Variants in AFF1 observed in about 807,000 individuals in gnomAD.
AFF1 encodes AF4/FMR2 family member 1.
Under a neutral mutation model 121.7 loss-of-function variants are expected in AFF1, and 48 were observed. That is an observed-to-expected ratio of 0.39 (90% CI 0.31 to 0.50). AFF1 has a LOEUF of 0.50. Among genes scored for constraint, AFF1 ranks in the 20% least tolerant of loss-of-function variants. The pLI, the probability that AFF1 is intolerant of heterozygous loss-of-function variation, is 0.76. For synonymous variants in AFF1, 613 were observed against 563.0 expected (o/e 1.09, Z -1.26); for missense variants, 1,523 against 1,511.7 (o/e 1.01, Z -0.12).
At chr4:86,947,337 A>G (rs1021111291) in intron 1 of AFF1, among the ~76,000 whole-genome samples, 3 of 152,160 alleles carry the variant, frequency 2.0e-5, no homozygotes, top group African/African-American at 7.2e-5. Flanking sequence ...GGAAACATGT[A>G]GTTAGCAAGT....
At chr4:87,038,065 C>A (rs1022053690) in intron 2 of AFF1, among the ~76,000 whole-genome samples, 1 of 152,150 alleles carries the variant, frequency 6.6e-6, no homozygotes, top group Non-Finnish European at 1.5e-5. Flanking sequence ...TTGAGATAAT[C>A]CCCTGGGGGC....
intron 2 of AFF1, among the ~76,000 whole-genome samples, chr4:87,041,548 G>A (rs972547474): frequency 5.0e-4 from 76 of 152,062 alleles, no homozygotes; most frequent in African/African-American, 1.7e-3. Flanking sequence ...CTTAGCTAAT[G>A]CAAAGTACCA....
At chr4:86,958,091 CTTTTTTT>C (rs36035943) in intron 2 of AFF1, among the ~76,000 whole-genome samples, 1 of 107,106 alleles carries the variant, frequency 9.3e-6, no homozygotes, top group African/African-American at 3.6e-5. Context: ...TTTTTTTTTC[CTTTTTTT>C]TTTTTTTTTT....
rs10676975 is a variant in AFF1, at chr4:86,978,177, CTTTTT to C, written c.38+29626_38+29630del. On this transcript the variant is annotated intron_variant, in intron 2 of 20. Transcript: ENST00000395146. ...CTTCTCTTACTTCTCATTACATTCA[CTTTTT>C]TTTTTTTTTTTTTTTTTTTGAGATG... Among the ~76,000 whole-genome samples the C allele has an allele frequency of 7.9e-4, 31 of 39,338 alleles. 1 individual carries two copies. The highest frequency in any genetic ancestry group is 3.9e-3 in the South Asian group (2 of 512). 25.8% of individuals were successfully genotyped at this position (39,338 alleles called of 152,430 possible).
chr4:87,039,744 T>G (rs977314621), intron 2 of AFF1, among the ~76,000 whole-genome samples: 3 of 152,184 alleles, frequency 2.0e-5, no homozygotes, highest in Non-Finnish European at 4.4e-5. Flanking sequence ...AGGCAAGAAC[T>G]TGGCTACTGA....
intron 2 of AFF1, among the ~76,000 whole-genome samples, chr4:86,993,721 T>C (rs1396279661): frequency 6.6e-6 from 1 of 152,170 alleles, no homozygotes; most frequent in Non-Finnish European, 1.5e-5. Flanking sequence ...TCCCAGCATT[T>C]TGGGAGGCTG....
chr4:87,017,895 C>T (rs1055898955), intron 2 of AFF1, among the ~76,000 whole-genome samples: 1 of 150,942 alleles, frequency 6.6e-6, no homozygotes, highest in Admixed American at 6.6e-5. Context: ...GCATGTGTGA[C>T]GTTAGTGAAA....
chr4:86,986,070 T>TAATTTAATTC (rs1724248399), intron 2 of AFF1, among the ~76,000 whole-genome samples: 2 of 151,336 alleles, frequency 1.3e-5, no homozygotes, highest in Admixed American at 1.3e-4. Flanking sequence ...TAATTTAATT[T>TAATTTAATTC]AATTTAATTT....
At chr4:87,120,073 G>A (rs1426029155) in intron 12 of AFF1, among the ~76,000 whole-genome samples, 1 of 152,170 alleles carries the variant, frequency 6.6e-6, no homozygotes, top group Non-Finnish European at 1.5e-5. Flanking sequence ...GTTACCCTGA[G>A]GAGAGCACCA....
intron 2 of AFF1, among the ~76,000 whole-genome samples, chr4:87,002,199 C>T (rs1174542985): frequency 6.6e-6 from 1 of 150,572 alleles, no homozygotes; most frequent in African/African-American, 2.4e-5. Context: ...CCCAGGTGAT[C>T]CCCCTGCCTT....
intron 11 of AFF1, among the ~76,000 whole-genome samples, chr4:87,110,441 TTTTTGTTTTGTTTTGTTTTG>T (rs70957206): frequency 1.8e-3 from 265 of 144,040 alleles, no homozygotes; most frequent in Middle Eastern, 3.4e-3. Context: ...TGTTCTGGTT[TTTTTGTTTTGTTTTGTTTTG>T]TTTTGTTTTG....
chr4:86,952,221 A>G (rs1372170862), intron 2 of AFF1, among the ~76,000 whole-genome samples: 1 of 152,148 alleles, frequency 6.6e-6, no homozygotes, highest in Non-Finnish European at 1.5e-5. Context: ...ATCATTTTCT[A>G]GAAAATTTAT....
chr4:87,127,054 T>C lies in AFF1; in HGVS notation c.2840T>C (p.Phe947Ser). ...TCTTCCGGAGATACTGCAAATCCTT[T>C]TCCAGTGCCTTCTTTGCCAAATGGT... is the stretch of plus-strand genomic sequence containing the variant. The part of the protein sequence containing the change: ...KGSSGDTANP[F>S]PVPSLPNGNS... Residue 947 changes from phenylalanine to serine, a missense_variant, in exon 15 of 21, where the codon TTT becomes TCT. Physicochemically the swap from Phe to Ser is radical, Grantham distance 155. Transcript: ENST00000395146. The C allele has an allele frequency of 1.2e-6, 2 of 1,614,084 alleles. No individual in the cohort carries two copies. Among genetic ancestry groups the C allele is most frequent in the Non-Finnish European group, 1.7e-6 (2 of 1,179,990 alleles).
chr4:86,969,217 G>A lies in AFF1; in HGVS notation c.38+20646G>A, dbSNP rs185755901. Among the ~76,000 whole-genome samples the A allele has an allele frequency of 3.9e-3, 593 of 152,188 alleles. 3 individuals are homozygous for A. The highest frequency in any genetic ancestry group is 0.013 in the African/African-American group (557 of 41,520). On this transcript the variant is annotated intron_variant, in intron 2 of 20. Transcript: ENST00000395146. ...GTTGAGTCCAGGCGTGGTGGCTCACGCCTGTAATCCCAGCACTTTGGGAGG... is the reference window on the plus strand; with the variant it reads ...GTTGAGTCCAGGCGTGGTGGCTCACACCTGTAATCCCAGCACTTTGGGAGG...
chr4:87,119,524 T>C (rs1727461058), intron 12 of AFF1, among the ~76,000 whole-genome samples: 1 of 152,274 alleles, frequency 6.6e-6, no homozygotes, highest in East Asian at 1.9e-4. Context: ...GGAGCTGTGA[T>C]TGAGTCACTG....
intron 19 of AFF1, 87 bp downstream of exon 19, chr4:87,132,495 A>G (rs535188594): frequency 2.7e-4 from 367 of 1,374,342 alleles, no homozygotes; most frequent in Non-Finnish European, 3.4e-4. Flanking sequence ...GTATGCTTAC[A>G]TATGTCACTT....
intron 12 of AFF1, among the ~76,000 whole-genome samples, chr4:87,119,536 A>C (rs1322663575): frequency 6.6e-6 from 1 of 152,162 alleles, no homozygotes; most frequent in African/African-American, 2.4e-5. Context: ...GAGTCACTGC[A>C]CTCCAGCATG....
chr4:87,131,981 T>G, intron 18 of AFF1, 117 bp downstream of exon 18: 1 of 989,168 alleles, frequency 1.0e-6, no homozygotes, highest in Non-Finnish European at 1.4e-6. Flanking sequence ...AAGTCAGTAC[T>G]TTGGTCAAAA....
intron 2 of AFF1, among the ~76,000 whole-genome samples, chr4:87,037,528 G>A (rs1729689105): frequency 6.6e-6 from 1 of 152,092 alleles, no homozygotes; most frequent in African/African-American, 2.4e-5. Context: ...CGCCAGGCTA[G>A]TCTTGAACTC....
Sources: allele counts gnomAD v4.1 joint callset (sites outside exome capture counted in the v4.1 genomes callset), GRCh38; gene constraint gnomAD v4.1.1; transcripts MANE v1.5; gene names NCBI Gene and HGNC (gene_info 2026-07-23, HGNC 2026-07-21).